SGSM1: variants seen among roughly 807,000 people sequenced by gnomAD.
SGSM1 encodes the protein RUN and TBC1 domain containing 2.
SGSM1 carries 73 observed loss-of-function variants against 133.8 expected under a neutral mutation model. The ratio of observed to expected loss-of-function variants is 0.55; its 90% confidence interval spans 0.45 to 0.66. The LOEUF is 0.66. SGSM1 is among the 30% of genes least tolerant of loss of function. SGSM1 has a pLI of 0.00. For missense variants in SGSM1, 1,213 were observed against 1,448.1 expected, an observed-to-expected ratio of 0.84 and a Z score of 2.64; for synonymous variants, 563 against 573.0, an observed-to-expected ratio of 0.98 and a Z score of 0.25.
intron 9 of SGSM1, among the ~76,000 whole-genome samples, chr22:24,865,662 C>T (rs1379594249): frequency 6.6e-6 from 1 of 152,046 alleles, no homozygotes; most frequent in Non-Finnish European, 1.5e-5. Flanking sequence ...GAAGCAGACA[C>T]CAAGACAGGA....
chr22:24,853,676 G>C (rs927258676), intron 5 of SGSM1, among the ~76,000 whole-genome samples: 1 of 151,400 alleles, frequency 6.6e-6, no homozygotes, highest in Non-Finnish European at 1.5e-5. Context: ...GCGCCATCTT[G>C]GCTCACTGCA....
At position 24,806,280 on chromosome 22, in the gene SGSM1, A is replaced by G. The variant is rs1927373968; in HGVS notation, c.-46A>G. Reference sequence around the variant, plus strand: ...CGCGGCCGGAGGAGCTACCGCCGCCACCGCCGCCACCGCCTCCTGGGACTC... The same window carrying G: ...CGCGGCCGGAGGAGCTACCGCCGCCGCCGCCGCCACCGCCTCCTGGGACTC... On this transcript the variant is annotated 5_prime_UTR_variant, in exon 1 of 25. Transcript: ENST00000400358. The G allele has an allele frequency of 1.4e-6, 2 of 1,405,016 alleles. No individual in the cohort carries two copies. The highest frequency in any genetic ancestry group is 1.8e-6 in the Non-Finnish European group (2 of 1,084,458). 87.0% of individuals were successfully genotyped at this position (1,405,016 alleles called of 1,614,324 possible).
intron 14 of SGSM1, among the ~76,000 whole-genome samples, chr22:24,883,071 ATTT>A (rs756077282): frequency 1.4e-5 from 2 of 139,068 alleles, no homozygotes; most frequent in Non-Finnish European, 1.6e-5. Context: ...ATTTTTTTGT[ATTT>A]TTTTTTTTTT....
At chr22:24,832,044 C>T (rs1444797507) in intron 2 of SGSM1, among the ~76,000 whole-genome samples, 1 of 152,182 alleles carries the variant, frequency 6.6e-6, no homozygotes, top group Admixed American at 6.5e-5. Context: ...TCCTGGCTCC[C>T]TGGCTCAGCC....
In SGSM1 at chr22:24,886,669, G is replaced by A. The variant is rs376508684; in HGVS notation, c.1711G>A (p.Val571Met). 7.0e-6 allele frequency: 11 copies of A among 1,569,228 alleles called. No homozygotes were observed. Among genetic ancestry groups the A allele is most frequent in the Admixed American group, 1.9e-5 (1 of 52,540 alleles). The change falls in exon 16 of 25, where the codon GTG becomes ATG. Residue 571 changes from valine (V) to methionine (M), a missense_variant. By Grantham distance (21) the Val-to-Met change is conservative. Transcript: ENST00000400358. ...GGIQPEIRKA[V>M]WPFLLGHYQF... is the part of the protein sequence containing the mutation. ...CATCCAGCCTGAGATCCGCAAGGCC[G>A]TGTGGCCCTTCCTCCTGGGCCACTA...
chr22:24,868,806 C>G lies in SGSM1; in HGVS notation c.1242C>G (p.Ala414=). Residue 414 remains alanine (A), a synonymous_variant, in exon 12 of 25, where the codon GCC becomes GCG. Coordinates refer to ENST00000400358, the MANE Select transcript of SGSM1 (RefSeq NM_001098497.3). ...STSSDKDDDE[A]TDYVFRIIYP... ...CTTCAGACAAAGATGATGATGAGGC[C>G]ACGGATTATGTGTTCAGGATCATCT... is the stretch of plus-strand genomic sequence containing the variant. 1 of 1,613,916 alleles carries G rather than the reference C, an allele frequency of 6.2e-7. No homozygotes were observed. The highest frequency in any genetic ancestry group is 8.5e-7 in the Non-Finnish European group (1 of 1,179,878).
chr22:24,861,460 CA>C (rs1246531930), intron 9 of SGSM1, among the ~76,000 whole-genome samples: 1 of 152,060 alleles, frequency 6.6e-6, no homozygotes, highest in African/African-American at 2.4e-5. Flanking sequence ...CTGTGCTGGG[CA>C]CAATAATTCA....
At chr22:24,859,161 A>G (rs773403727) in intron 8 of SGSM1, among the ~76,000 whole-genome samples, 10 of 151,446 alleles carry the variant, frequency 6.6e-5, no homozygotes, top group Non-Finnish European at 1.2e-4. Context: ...TGGTGACATC[A>G]CCCTCCCCAC....
chr22:24,878,443 A>G (rs144334954), intron 13 of SGSM1, among the ~76,000 whole-genome samples: 2 of 152,182 alleles, frequency 1.3e-5, no homozygotes, highest in Admixed American at 6.5e-5. Flanking sequence ...AGCCTCATCA[A>G]CCTGAGGGCA....
intron 8 of SGSM1, among the ~76,000 whole-genome samples, chr22:24,857,068 A>G (rs1326464318): frequency 6.6e-6 from 1 of 151,858 alleles, no homozygotes; most frequent in Non-Finnish European, 1.5e-5. Flanking sequence ...GCACCCAGCT[A>G]AGATACACCA....
intron 12 of SGSM1, among the ~76,000 whole-genome samples, chr22:24,874,204 G>A (rs997356440): frequency 5.9e-5 from 9 of 152,308 alleles, no homozygotes; most frequent in Middle Eastern, 3.4e-3. Flanking sequence ...TGCTCAGGTC[G>A]TAAACTTCCT....
At chr22:24,895,359 G>A in intron 18 of SGSM1, 68 bp downstream of exon 18, 1 of 1,495,406 alleles carries the variant, frequency 6.7e-7, no homozygotes, top group East Asian at 2.4e-5. Flanking sequence ...CATGGGGGTT[G>A]GGTGTCCGTC....
At chr22:24,872,339 A>G (rs1403791708) in intron 12 of SGSM1, among the ~76,000 whole-genome samples, 1 of 152,008 alleles carries the variant, frequency 6.6e-6, no homozygotes, top group Admixed American at 6.5e-5. Context: ...AGATAAGGGC[A>G]TTTTCAGACC....
At chr22:24,865,336 C>T (rs1301397994) in intron 9 of SGSM1, among the ~76,000 whole-genome samples, 1 of 152,194 alleles carries the variant, frequency 6.6e-6, no homozygotes, top group African/African-American at 2.4e-5. Context: ...AGAAGACACC[C>T]TGGCTAGACT....
intron 9 of SGSM1, among the ~76,000 whole-genome samples, chr22:24,861,864 C>T (rs6004326): frequency 0.072 from 10,912 of 150,874 alleles, 611 homozygotes; most frequent in African/African-American, 0.15. Flanking sequence ...GAGATGGTTT[C>T]TCGTTTTGTC....
chr22:24,919,768 G>A, intron 23 of SGSM1, 58 bp from the exon 24 acceptor site: 1 of 1,602,926 alleles, frequency 6.2e-7, no homozygotes, highest in Non-Finnish European at 8.5e-7. Flanking sequence ...CCCAAGGCAG[G>A]GCAACACTGT....
In SGSM1 at chr22:24,868,763, G is replaced by A. The variant is rs61744650; in HGVS notation, c.1199G>A (p.Gly400Asp). The A allele has an allele frequency of 2.4e-3, 3,922 of 1,614,008 alleles. 20 individuals carry two copies. The highest frequency in any genetic ancestry group is 2.3e-3 in the Non-Finnish European group (2,677 of 1,179,900). ...FPKLRKRSPQ[G>D]SAESTSSDKD... ...AAACTGCGCAAGCGAAGCCCTCAGG[G>A]TTCTGCCGAGTCCACATCTTCAGAC... is the stretch of plus-strand genomic sequence containing the variant. Residue 400 changes from glycine to aspartate, a missense_variant, in exon 12 of 25, where the codon GGT (glycine) becomes GAT (aspartate). Coordinates refer to ENST00000400358, the MANE Select transcript of SGSM1 (RefSeq NM_001098497.3).
At chr22:24,870,102 C>T (rs1179218774) in intron 12 of SGSM1, among the ~76,000 whole-genome samples, 1 of 152,242 alleles carries the variant, frequency 6.6e-6, no homozygotes, top group Non-Finnish European at 1.5e-5. Context: ...GAGCAGATGT[C>T]CTCCTGGACA....
intron 2 of SGSM1, among the ~76,000 whole-genome samples, chr22:24,842,138 T>C (rs953457088): frequency 6.6e-6 from 1 of 152,210 alleles, no homozygotes; most frequent in African/African-American, 2.4e-5. Flanking sequence ...CAGCAGTTTC[T>C]CAGCATCACC....
Sources: allele counts gnomAD v4.1 joint callset (sites outside exome capture counted in the v4.1 genomes callset), GRCh38; gene constraint gnomAD v4.1.1; transcripts MANE v1.5; gene names NCBI Gene and HGNC (gene_info 2026-07-23, HGNC 2026-07-21).